ZFPM2: variants seen among roughly 807,000 people sequenced by gnomAD.
ZFPM2 encodes the protein zinc finger protein ZFPM2.
In ZFPM2, 20 loss-of-function variants were observed where a neutral mutation model predicts 98.6. The observed-to-expected ratio is 0.20, with a 90% confidence interval of 0.14 to 0.29. ZFPM2 has a LOEUF of 0.29. Among genes scored for constraint, ZFPM2 ranks in the 10% least tolerant of loss-of-function variants. The pLI, the probability that ZFPM2 is intolerant of heterozygous loss-of-function variation, is 1.00. For synonymous variants in ZFPM2, 518 were observed against 502.7 expected, an observed-to-expected ratio of 1.03 and a Z score of -0.41; for missense variants, 1,310 against 1,388.6, an observed-to-expected ratio of 0.94 and a Z score of 0.90.
At chr8:105,435,236 A>G (rs1812097246) in intron 2 of ZFPM2, among the ~76,000 whole-genome samples, 1 of 152,194 alleles carries the variant, frequency 6.6e-6, no homozygotes, top group African/African-American at 2.4e-5. Context: ...AGAGTAACAA[A>G]AGAGTTTAAT....
At chr8:105,759,948 A>G (rs1299040027) in intron 5 of ZFPM2, among the ~76,000 whole-genome samples, 1 of 152,068 alleles carries the variant, frequency 6.6e-6, no homozygotes, top group Non-Finnish European at 1.5e-5. Context: ...AAACAGACAG[A>G]ACTTACTTTT....
In ZFPM2 at chr8:105,441,455, A is replaced by AGAGAGAAAGG. The variant is rs1554604944; in HGVS notation, c.200-2825_200-2824insGAGAGAAAGG. On this transcript the variant is annotated intron_variant, in intron 2 of 7. Coordinates refer to ENST00000407775, the MANE Select transcript of ZFPM2 (RefSeq NM_012082.4). The stretch of plus-strand genomic sequence containing the variant: ...AAGAAAGAGAGAGAGAGAGAGAGAG[A>AGAGAGAAAGG]AAGAAAGAAAGAAAGAAAGAAAGAA... 1.6e-3 allele frequency among the ~76,000 whole-genome samples: 88 copies of AGAGAGAAAGG among 56,532 alleles called. 18 individuals carry two copies. Among genetic ancestry groups the AGAGAGAAAGG allele is most frequent in the Admixed American group, 4.9e-3 (23 of 4,658 alleles). The allele number at this position is 56,532 out of a possible 152,430, so 37.1% of individuals were successfully genotyped here.
chr8:105,658,504 C>T (rs528752066), intron 5 of ZFPM2, among the ~76,000 whole-genome samples: 3 of 57,002 alleles, frequency 5.3e-5, no homozygotes, highest in East Asian at 5.3e-4. Flanking sequence ...AGGAGAATGG[C>T]GTGAACCCCA....
chr8:105,688,647 T>A (rs1407112885), intron 5 of ZFPM2, among the ~76,000 whole-genome samples: 1 of 152,110 alleles, frequency 6.6e-6, no homozygotes, highest in Non-Finnish European at 1.5e-5. Context: ...AGGAAATCCT[T>A]TGGAACACAT....
intron 5 of ZFPM2, among the ~76,000 whole-genome samples, chr8:105,651,964 T>C (rs1170289709): frequency 6.6e-6 from 1 of 152,132 alleles, no homozygotes; most frequent in Non-Finnish European, 1.5e-5. Flanking sequence ...AGGATTCCTT[T>C]GAAATGTTGC....
At chr8:105,794,744 C>T (rs551275145) in intron 6 of ZFPM2, among the ~76,000 whole-genome samples, 2 of 152,334 alleles carry the variant, frequency 1.3e-5, no homozygotes, top group East Asian at 1.9e-4. Flanking sequence ...CCAGTTGGAG[C>T]TTCCCGGCTG....
At chr8:105,452,751 C>T (rs1171394603) in intron 3 of ZFPM2, among the ~76,000 whole-genome samples, 2 of 151,662 alleles carry the variant, frequency 1.3e-5, no homozygotes, top group African/African-American at 4.9e-5. Flanking sequence ...GACCCTGTCT[C>T]AAACAACAAC....
At chr8:105,623,510 A>G (rs1816596182) in intron 4 of ZFPM2, among the ~76,000 whole-genome samples, 1 of 152,256 alleles carries the variant, frequency 6.6e-6, no homozygotes, top group South Asian at 2.1e-4. Context: ...CTATATTAAT[A>G]TCGGGATTCA....
At chr8:105,485,525 G>A (rs1451985021) in intron 3 of ZFPM2, among the ~76,000 whole-genome samples, 1 of 152,006 alleles carries the variant, frequency 6.6e-6, no homozygotes, top group African/African-American at 2.4e-5. Flanking sequence ...CTCTATAAAA[G>A]AAAGAAAGAA....
At position 105,332,465 on chromosome 8, in the gene ZFPM2, A is replaced by G. The variant is rs554116754; in HGVS notation, c.40+13484A>G. Among the ~76,000 whole-genome samples the G allele has an allele frequency of 2.0e-5, 3 of 151,860 alleles. No homozygotes were observed. The South Asian group carries it at 6.2e-4, about 31-fold the overall frequency. On this transcript the variant is annotated intron_variant, in intron 1 of 7. Coordinates refer to ENST00000407775, the MANE Select transcript of ZFPM2 (RefSeq NM_012082.4). ...AATTTCCTGTGATATATTTTTAAAC[A>G]ATTTTGCCCCAAGAAAAGATTGTTA...
intron 1 of ZFPM2, among the ~76,000 whole-genome samples, chr8:105,336,191 C>T (rs1441527658): frequency 6.6e-6 from 1 of 151,670 alleles, no homozygotes; most frequent in Admixed American, 6.6e-5. Context: ...TTCCTTGTGT[C>T]GTGTCCTTTT....
At chr8:105,764,697 T>C (rs1276040401) in intron 5 of ZFPM2, among the ~76,000 whole-genome samples, 1 of 151,814 alleles carries the variant, frequency 6.6e-6, no homozygotes, top group Non-Finnish European at 1.5e-5. Context: ...TCTTTTAGTT[T>C]CATGGTTCAT....
chr8:105,653,783 A>T (rs1447767881), intron 5 of ZFPM2, among the ~76,000 whole-genome samples: 1 of 149,674 alleles, frequency 6.7e-6, no homozygotes, highest in Non-Finnish European at 1.5e-5. Flanking sequence ...GCATGAGCGT[A>T]TCATAAAGGA....
rs140622701 is a variant in ZFPM2, at chr8:105,491,161, G to T, written c.301+46780G>T. 6.1e-4 allele frequency among the ~76,000 whole-genome samples: 93 copies of T among 152,204 alleles called. No homozygotes were observed. In the East Asian group the frequency reaches 0.012, roughly 19 times the overall value. On this transcript the variant is annotated intron_variant, in intron 3 of 7. Transcript: ENST00000407775. ...AATTCTGAAGACCATTTCAACCAAAGAACTGTTTCACTCTGATTAAGCCAC... is the reference window on the plus strand; with the variant it reads ...AATTCTGAAGACCATTTCAACCAAATAACTGTTTCACTCTGATTAAGCCAC...
Position 105,330,538 on chromosome 8 carries a change from CTA to C in ZFPM2, c.40+11570_40+11571del, listed in dbSNP as rs531060999. 1.4e-3 allele frequency among the ~76,000 whole-genome samples: 138 copies of C among 100,116 alleles called. 2 individuals are homozygous for C. The South Asian group carries it at 0.036, about 26-fold the overall frequency. 65.7% of individuals were successfully genotyped at this position (100,116 alleles called of 152,430 possible). Reference sequence around the variant, plus strand: ...CAAAACAATTTCTCTCTCTCTCTCTCTATATATATATATACATATATATATAT... The same window carrying C: ...CAAAACAATTTCTCTCTCTCTCTCTCTATATATATATACATATATATATAT... On this transcript the variant is annotated intron_variant, in intron 1 of 7. Coordinates refer to ENST00000407775, the MANE Select transcript of ZFPM2 (RefSeq NM_012082.4).
At chr8:105,472,690 A>G (rs1333835784) in intron 3 of ZFPM2, among the ~76,000 whole-genome samples, 1 of 149,774 alleles carries the variant, frequency 6.7e-6, no homozygotes, top group Non-Finnish European at 1.5e-5. Flanking sequence ...TGTATTTTTT[A>G]TTAGAGACGG....
At chr8:105,476,436 G>A (rs1460458831) in intron 3 of ZFPM2, among the ~76,000 whole-genome samples, 2 of 152,140 alleles carry the variant, frequency 1.3e-5, no homozygotes, top group African/African-American at 2.4e-5. Context: ...ATCTAAGGTG[G>A]AATAGTTTCA....
At chr8:105,334,424 T>C (rs1812290040) in intron 1 of ZFPM2, among the ~76,000 whole-genome samples, 1 of 151,600 alleles carries the variant, frequency 6.6e-6, no homozygotes, top group African/African-American at 2.4e-5. Context: ...AAGTGAGCAC[T>C]CAAGTGAAGA....
chr8:105,624,047 T>C (rs1816605825), intron 4 of ZFPM2, among the ~76,000 whole-genome samples: 1 of 152,174 alleles, frequency 6.6e-6, no homozygotes, highest in African/African-American at 2.4e-5. Context: ...AAAAGTCTTA[T>C]AATAATATCG....
Sources: gnomAD v4.1 joint callset for allele counts (sites outside exome capture counted in the v4.1 genomes callset) on GRCh38, gnomAD v4.1.1 for gene constraint, MANE v1.5 for transcripts, NCBI Gene and HGNC (gene_info 2026-07-23, HGNC 2026-07-21) for gene names.